The following GZF1 variants were observed in gnomAD, a reference collection of about 807,000 sequenced individuals.
GZF1 encodes the protein GDNF inducible zinc finger protein 1.
In GZF1, 28 loss-of-function variants were observed where a neutral mutation model predicts 49.4. That is an observed-to-expected ratio of 0.57 (90% CI 0.42 to 0.78). The LOEUF (loss-of-function observed/expected upper bound fraction) is 0.78. Ranked by LOEUF, GZF1 falls within the 30% of genes least tolerant of loss-of-function variation. GZF1 has a pLI of 0.00. For synonymous variants in GZF1, 364 were observed against 356.0 expected (o/e 1.02, Z -0.25); for missense variants, 798 against 916.2 (o/e 0.87, Z 1.67).
chr20:23,367,883 AT>A (rs1458578834), intron 3 of GZF1, among the ~76,000 whole-genome samples: 1 of 152,154 alleles, frequency 6.6e-6, no homozygotes, highest in Non-Finnish European at 1.5e-5. Context: ...CTTTGCTTGC[AT>A]TTTTTATTCT....
chr20:23,370,153 C>T lies in GZF1; in HGVS notation c.1848C>T (p.Asn616=), dbSNP rs10485644. The T allele has an allele frequency of 0.051, 82,507 of 1,613,970 alleles. 3,257 individuals carry two copies. The highest frequency in any genetic ancestry group is 0.2 in the African/African-American group (15,319 of 74,980). Residue 616 remains asparagine, a synonymous_variant, in exon 6 of 6, where the codon AAC becomes AAT. Transcript: ENST00000338121. The part of the protein sequence containing the change: ...FLVIVDGSPK[N]DDGHKTEQPD... Reference sequence around the variant, plus strand: ...TCATTGTAGATGGCTCGCCCAAGAACGATGACGGACACAAGACTGAACAGC... The same window carrying T: ...TCATTGTAGATGGCTCGCCCAAGAATGATGACGGACACAAGACTGAACAGC...
At chr20:23,363,579 C>T (rs1241106976) in intron 1 of GZF1, among the ~76,000 whole-genome samples, 1 of 152,212 alleles carries the variant, frequency 6.6e-6, no homozygotes, top group Non-Finnish European at 1.5e-5. Flanking sequence ...TTGACTGTTA[C>T]CTTGATAGGT....
intron 1 of GZF1, 35 bp from the exon 2 acceptor site, chr20:23,364,328 G>A (rs1298050200): frequency 2.4e-6 from 3 of 1,270,856 alleles, no homozygotes; most frequent in East Asian, 4.7e-5. Context: ...TGCATCAGTG[G>A]TTGCTCATGC....
rs770778427 is a variant in GZF1 at position 23,364,436 on chromosome 20, T to G, written c.53T>G (p.Leu18Arg). The part of the protein sequence containing the change: ...LESKSSPFNL[L>R]HEMHELRLLG... ...TCCAAATCCTCCCCATTTAACCTACTGCATGAGATGCATGAGCTTCGCCTC... is the reference window on the plus strand; with the variant it reads ...TCCAAATCCTCCCCATTTAACCTACGGCATGAGATGCATGAGCTTCGCCTC... The change falls in exon 2 of 6, where the codon CTG becomes CGG. Residue 18 changes from leucine to arginine, a missense_variant. Transcript: ENST00000338121. 1 of 1,612,896 alleles carries G rather than the reference T, an allele frequency of 6.2e-7. No individual in the cohort carries two copies. Among genetic ancestry groups the G allele is most frequent in the Non-Finnish European group, 8.5e-7 (1 of 1,179,196 alleles).
chr20:23,362,855 C>T (rs1187555935), intron 1 of GZF1: 1 of 152,306 alleles, frequency 6.6e-6, no homozygotes, highest in Non-Finnish European at 1.5e-5. Flanking sequence ...AATCAGGTCT[C>T]CTCGAGGGCC....
chr20:23,365,520 C>T lies in GZF1; in HGVS notation c.1137C>T (p.Cys379=), dbSNP rs769319705. The T allele has an allele frequency of 1.9e-6, 3 of 1,613,524 alleles. No individual in the cohort carries two copies. Among genetic ancestry groups the T allele is most frequent in the African/African-American group, 2.7e-5 (2 of 74,930 alleles). ...ACAGCAGCGAGCGCCATTTCCCATG[C>T]GAGCTGTGCGGGAAGAAGTTCAAGC... ...HVHSSERHFP[C]ELCGKKFKRK... The change falls in exon 2 of 6, where the codon TGC becomes TGT. Residue 379 remains cysteine, a synonymous_variant. Coordinates refer to ENST00000338121, the MANE Select transcript of GZF1 (RefSeq NM_022482.5).
rs1981276861 is a variant in GZF1, at chr20:23,365,742, C to T, written c.1359C>T (p.His453=). ...CGCAGCCGTCCGCGCTCAAGACGCACATGAGGTACGCGGGGAGCCGTCCGG... is the reference window on the plus strand; with the variant it reads ...CGCAGCCGTCCGCGCTCAAGACGCATATGAGGTACGCGGGGAGCCGTCCGG... The part of the protein sequence containing the change: ...RFSQPSALKT[H]MRIHTGEKPF... The change falls in exon 2 of 6, where the codon CAC becomes CAT. Residue 453 remains histidine, a synonymous_variant. Coordinates refer to ENST00000338121, the MANE Select transcript of GZF1 (RefSeq NM_022482.5). 1 of 1,534,320 alleles carries T rather than the reference C, an allele frequency of 6.5e-7. No homozygotes were observed. The highest frequency in any genetic ancestry group is 8.7e-7 in the Non-Finnish European group (1 of 1,145,526).
chr20:23,363,762 G>A (rs893424420), intron 1 of GZF1, among the ~76,000 whole-genome samples: 1 of 152,212 alleles, frequency 6.6e-6, no homozygotes, highest in African/African-American at 2.4e-5. Flanking sequence ...GCTTGTAAAA[G>A]CTGTGGAACT....
At position 23,365,248 on chromosome 20, in the gene GZF1, G is replaced by C. The variant is rs1555786618; in HGVS notation, c.865G>C (p.Glu289Gln). ...GGGTTGCCAGGCAGGTGCTGAGTTG[G>C]AGGAATTGTCAAAGAAAGCAGGGCC... ...NEGCQAGAEL[E>Q]ELSKKAGPEE... The change falls in exon 2 of 6, where the codon GAG (glutamate) becomes CAG (glutamine). Residue 289 changes from glutamate to glutamine, a missense_variant. Glu to Gln is a conservative substitution (Grantham distance 29). Coordinates refer to ENST00000338121, the MANE Select transcript of GZF1 (RefSeq NM_022482.5). The C allele has an allele frequency of 6.2e-7, 1 of 1,605,874 alleles. No homozygotes were observed. The highest frequency in any genetic ancestry group is 8.5e-7 in the Non-Finnish European group (1 of 1,175,606).
chr20:23,365,641 A>G lies in GZF1; in HGVS notation c.1258A>G (p.Thr420Ala). The G allele has an allele frequency of 6.2e-7, 1 of 1,603,418 alleles. No individual in the cohort carries two copies. Among genetic ancestry groups the G allele is most frequent in the South Asian group, 1.1e-5 (1 of 90,978 alleles). Residue 420 changes from threonine (T) to alanine (A), a missense_variant, in exon 2 of 6, where the codon ACA becomes GCA. By Grantham distance (58) the Thr-to-Ala change is moderately conservative. Around this residue, in one of 3 missense-constraint regions of GZF1, gnomAD observed 446 missense variants for 540.1 expected, o/e 0.83. Transcript: ENST00000338121. ...GTGCGGCAAGGGCCTGAGTTCCAAG[A>G]CAGCGCTGCGGCTGCACGAGCGCAC... Reference protein sequence around the residue: ...GQCGKGLSSKTALRLHERTHT... With the variant: ...GQCGKGLSSKAALRLHERTHT...
At chr20:23,368,018 A>AT (rs1030036352) in intron 3 of GZF1, among the ~76,000 whole-genome samples, 1 of 152,244 alleles carries the variant, frequency 6.6e-6, no homozygotes, top group Non-Finnish European at 1.5e-5. Flanking sequence ...TTCTGAAGTC[A>AT]TAATTCATGT....
Position 23,370,406 on chromosome 20 carries a change from C to G in GZF1, c.2101C>G (p.Pro701Ala). The stretch of plus-strand genomic sequence containing the variant: ...GCTGACCCCACAGACAGACTCGATG[C>G]CCACACAGCTTCACTCTTTGAGCAA... ...SELTPQTDSMPTQLHSLSNME is the reference protein window; with the variant it reads ...SELTPQTDSMATQLHSLSNME The change falls in exon 6 of 6, where the codon CCC becomes GCC. Residue 701 changes from proline to alanine, a missense_variant. By Grantham distance (27) the Pro-to-Ala change is conservative. Coordinates refer to ENST00000338121, the MANE Select transcript of GZF1 (RefSeq NM_022482.5). 1 of 1,613,126 alleles carries G rather than the reference C, an allele frequency of 6.2e-7. No individual in the cohort carries two copies. The highest frequency in any genetic ancestry group is 8.5e-7 in the Non-Finnish European group (1 of 1,179,114).
chr20:23,364,643 T>G lies in GZF1; in HGVS notation c.260T>G (p.Phe87Cys). Residue 87 changes from phenylalanine (F) to cysteine (C), a missense_variant, in exon 2 of 6, where the codon TTT becomes TGT. Physicochemically the swap from Phe to Cys is radical, Grantham distance 205. Transcript: ENST00000338121. ...TTAAATGAAGTGCAGGTTGCTGACTTTGCTTCATTTCTTGAGTTTGTCTAC... is the reference window on the plus strand; with the variant it reads ...TTAAATGAAGTGCAGGTTGCTGACTGTGCTTCATTTCTTGAGTTTGTCTAC... ...VYLNEVQVAD[F>C]ASFLEFVYTA... is the part of the protein sequence containing the mutation. 6.2e-7 allele frequency: 1 copy of G among 1,614,254 alleles called. No individual in the cohort carries two copies.
At chr20:23,362,031 A>G (rs1980709542), upstream of GZF1, among the ~76,000 whole-genome samples, 1 of 152,138 alleles carries the variant, frequency 6.6e-6, no homozygotes, top group Admixed American at 6.5e-5. Flanking sequence ...CAGATCAGGT[A>G]ACTGCCCGAA....
chr20:23,370,444 G>C lies in GZF1; in HGVS notation c.*3G>C. The C allele has an allele frequency of 6.3e-7, 1 of 1,579,484 alleles. No individual in the cohort carries two copies. The highest frequency in any genetic ancestry group is 1.7e-5 in the Admixed American group (1 of 59,482). On this transcript the variant is annotated 3_prime_UTR_variant, in exon 6 of 6. Transcript: ENST00000338121. ...ACTCTTTGAGCAACATGGAATAAGA[G>C]CTTCAAGCAGTTCCCATCCTGTTAG...
At chr20:23,361,758 T>C (rs2123011185), upstream of GZF1, among the ~76,000 whole-genome samples, 1 of 152,282 alleles carries the variant, frequency 6.6e-6, no homozygotes, top group African/African-American at 2.4e-5. Flanking sequence ...GAGCAGCTCT[T>C]AGTGGGAAGC....
chr20:23,370,261 A>T lies in GZF1; in HGVS notation c.1956A>T (p.Ala652=). 6.2e-7 allele frequency: 1 copy of T among 1,614,234 alleles called. No homozygotes were observed. The highest frequency in any genetic ancestry group is 2.2e-5 in the East Asian group (1 of 44,884). Residue 652 remains alanine (A), a synonymous_variant, in exon 6 of 6, where the codon GCA becomes GCT. Transcript: ENST00000338121. ...AENGHFHNLA[A]VQDTVPTMQE... is the part of the protein sequence containing the mutation. ...ATGGCCATTTCCACAACCTGGCTGC[A>T]GTCCAAGACACTGTACCTACCATGC... is the stretch of plus-strand genomic sequence containing the variant.
chr20:23,370,497 A>ATCT lies in GZF1; in HGVS notation c.*57_*58insCTT. 8.9e-7 allele frequency: 1 copy of ATCT among 1,123,530 alleles called. No individual in the cohort carries two copies. The highest frequency in any genetic ancestry group is 1.3e-6 in the Non-Finnish European group (1 of 751,302). 69.6% of individuals were successfully genotyped at this position (1,123,530 alleles called of 1,614,324 possible). A position where few individuals can be genotyped will look rare whatever the true frequency, so the allele number is the denominator to read the frequency against. ...TGCGTGTGTGGTAGCTGAACTCAAG[A>ATCT]TGATGTGGGGCTAAGAAAAATAATT... On this transcript the variant is annotated 3_prime_UTR_variant, in exon 6 of 6. Transcript: ENST00000338121.
At position 23,365,703 on chromosome 20, in the gene GZF1, C is replaced by G. The variant is rs1411857685; in HGVS notation, c.1320C>G (p.Cys440Trp). 1.9e-6 allele frequency: 3 copies of G among 1,569,946 alleles called. No homozygotes were observed. Among genetic ancestry groups the G allele is most frequent in the Non-Finnish European group, 1.7e-6 (2 of 1,162,796 alleles). ...TGDRPYGCTECGARFSQPSAL... is the reference protein window; with the variant it reads ...TGDRPYGCTEWGARFSQPSAL... ...ACCGGCCCTACGGCTGCACCGAGTGCGGCGCCAGGTTCTCGCAGCCGTCCG... is the reference window on the plus strand; with the variant it reads ...ACCGGCCCTACGGCTGCACCGAGTGGGGCGCCAGGTTCTCGCAGCCGTCCG... The change falls in exon 2 of 6, where the codon TGC (cysteine) becomes TGG (tryptophan). Residue 440 changes from cysteine to tryptophan, a missense_variant. By Grantham distance (215) the Cys-to-Trp change is radical. Around this residue, in one of 3 missense-constraint regions of GZF1, gnomAD observed 446 missense variants for 540.1 expected, o/e 0.83. Coordinates refer to ENST00000338121, the MANE Select transcript of GZF1 (RefSeq NM_022482.5).
Sources: gnomAD v4.1 joint callset for allele counts (sites outside exome capture counted in the v4.1 genomes callset) on GRCh38, gnomAD v4.1.1 for gene constraint, gnomAD v4.1.1 regional missense constraint, MANE v1.5 for transcripts, NCBI Gene and HGNC (gene_info 2026-07-23, HGNC 2026-07-21) for gene names.